The following SCARB2 variants were observed in gnomAD, a reference collection of about 807,000 sequenced individuals.
The protein encoded by SCARB2 is scavenger receptor class B member 2.
A neutral mutation model predicts 58.6 loss-of-function variants in SCARB2; 29 were observed. The ratio of observed to expected loss-of-function variants is 0.49; its 90% CI spans 0.37 to 0.67. SCARB2 has a LOEUF of 0.67. SCARB2 is among the 30% of genes least tolerant of loss of function. The pLI is 0.00. For missense variants in SCARB2, 488 were observed against 578.5 expected (o/e 0.84, Z 1.60); for synonymous variants, 195 against 210.1 (o/e 0.93, Z 0.62).
In SCARB2 at chr4:76,199,861, T is replaced by C. The variant is rs1378787155; in HGVS notation, c.118-3997A>G. On this transcript the variant is annotated intron_variant, in intron 1 of 11. Transcript: ENST00000264896. ...CAGCCGCGCAGCCCCAGTATGCTAATGGGTCCAAAGAAAGCACCTCAACCT... is the reference window on the plus strand; with the variant it reads ...CAGCCGCGCAGCCCCAGTATGCTAACGGGTCCAAAGAAAGCACCTCAACCT... 4.5e-4 allele frequency among the ~76,000 whole-genome samples: 69 copies of C among 152,204 alleles called. 1 individual carries two copies. Among genetic ancestry groups the C allele is most frequent in the African/African-American group, 2.4e-5 (1 of 41,462 alleles).
intron 1 of SCARB2, among the ~76,000 whole-genome samples, chr4:76,204,598 G>A (rs182057483): frequency 2.1e-3 from 317 of 152,240 alleles, no homozygotes; most frequent in African/African-American, 7.3e-3. Flanking sequence ...AGCAGCTACC[G>A]ATAGAAACTT....
intron 2 of SCARB2, among the ~76,000 whole-genome samples, chr4:76,190,958 A>G (rs1419938729): frequency 6.6e-6 from 1 of 152,240 alleles, no homozygotes; most frequent in Non-Finnish European, 1.5e-5. Flanking sequence ...CAAAGACAGT[A>G]TAAAAAAAGA....
chr4:76,211,909 A>G (rs1733055330), intron 1 of SCARB2, among the ~76,000 whole-genome samples: 1 of 152,202 alleles, frequency 6.6e-6, no homozygotes, highest in Admixed American at 6.5e-5. Context: ...AACAGAGTCC[A>G]TTCCTCATGG....
chr4:76,163,386 G>A lies in SCARB2; in HGVS notation c.1240-3C>T. On this transcript the variant is annotated splice_polypyrimidine_tract_variant and splice_region_variant and intron_variant, in intron 10 of 11. Transcript: ENST00000264896. ...GTCTCTTTATCAATGTGAACACTCTGGAGAGGCAAGAAAATAGTATTCTTG... is the reference window on the plus strand; with the variant it reads ...GTCTCTTTATCAATGTGAACACTCTAGAGAGGCAAGAAAATAGTATTCTTG... 6.2e-7 allele frequency: 1 copy of A among 1,614,150 alleles called. No homozygotes were observed. Among genetic ancestry groups the A allele is most frequent in the Non-Finnish European group, 8.5e-7 (1 of 1,180,012 alleles).
chr4:76,229,759 CTGTG>C (rs1158170177), intron 1 of SCARB2, among the ~76,000 whole-genome samples: 1 of 152,186 alleles, frequency 6.6e-6, no homozygotes, highest in Non-Finnish European at 1.5e-5. Flanking sequence ...GAAGTAGACT[CTGTG>C]AGAGTCCTTG....
intron 7 of SCARB2, among the ~76,000 whole-genome samples, chr4:76,172,257 T>TA (rs1358493644): frequency 1.3e-5 from 2 of 150,176 alleles, no homozygotes; most frequent in Non-Finnish European, 3.0e-5. Flanking sequence ...AAACAATTTT[T>TA]TATATATATA....
intron 1 of SCARB2, chr4:76,234,229 T>TC: frequency 6.6e-6 from 1 of 152,374 alleles, no homozygotes; most frequent in East Asian, 1.9e-4. Context: ...GGGCATGATT[T>TC]CCCCCACTCT....
At chr4:76,230,595 A>G (rs1733475518) in intron 1 of SCARB2, among the ~76,000 whole-genome samples, 1 of 152,130 alleles carries the variant, frequency 6.6e-6, no homozygotes, top group Admixed American at 6.5e-5. Context: ...ATTATTATAA[A>G]GTTCAGTTTG....
At chr4:76,231,060 A>G (rs1332773216) in intron 1 of SCARB2, among the ~76,000 whole-genome samples, 3 of 152,124 alleles carry the variant, frequency 2.0e-5, no homozygotes, top group Non-Finnish European at 4.4e-5. Flanking sequence ...GGGGAGTTGC[A>G]TGGACTCCCT....
intron 7 of SCARB2, among the ~76,000 whole-genome samples, chr4:76,171,194 T>C (rs1350016634): frequency 2.0e-5 from 3 of 152,140 alleles, no homozygotes; most frequent in African/African-American, 7.2e-5. Flanking sequence ...TGCTGAATAG[T>C]TCCACAAAGG....
At chr4:76,166,121 G>A in intron 10 of SCARB2, 129 bp downstream of exon 10, 5 of 905,916 alleles carry the variant, frequency 5.5e-6, no homozygotes, top group Non-Finnish European at 5.6e-6. Flanking sequence ...GAAATTTTCT[G>A]AGGAATAACA....
chr4:76,171,190 ATAGTTCCAC>A (rs1732122333), intron 7 of SCARB2, among the ~76,000 whole-genome samples: 1 of 152,112 alleles, frequency 6.6e-6, no homozygotes, highest in Admixed American at 6.6e-5. Flanking sequence ...TTACTGCTGA[ATAGTTCCAC>A]AAAGGCATGA....
At position 76,161,839 on chromosome 4, in the gene SCARB2, T is replaced by C. The variant is rs568622677; in HGVS notation, c.1399-88A>G. 212 of 1,270,224 alleles carry C rather than the reference T, an allele frequency of 1.7e-4. 1 individual carries two copies. Among genetic ancestry groups the C allele is most frequent in the Non-Finnish European group, 2.1e-4 (180 of 874,162 alleles). The allele number at this position is 1,270,224 out of a possible 1,614,324, so 78.7% of individuals were successfully genotyped here. ...AAAGTTTGGGTGGGGAGTGGGGGCA[T>C]GGAAGGAGGAGAGACCTATAGGAAG... On this transcript the variant is annotated intron_variant, in intron 11 of 11. Coordinates refer to ENST00000264896, the MANE Select transcript of SCARB2 (RefSeq NM_005506.4).
intron 1 of SCARB2, among the ~76,000 whole-genome samples, chr4:76,219,686 TG>T (rs1733274085): frequency 1.3e-5 from 2 of 149,654 alleles, no homozygotes; most frequent in Non-Finnish European, 3.0e-5. Flanking sequence ...CAGCCTGGAG[TG>T]GTGGGGAGAA....
chr4:76,183,459 G>A (rs1290666325), intron 2 of SCARB2, among the ~76,000 whole-genome samples: 1 of 152,144 alleles, frequency 6.6e-6, no homozygotes, highest in East Asian at 1.9e-4. Flanking sequence ...AGTACTCAGG[G>A]AAACACTTAC....
chr4:76,216,962 GCTGT>G (rs1733218858), upstream of SCARB2, among the ~76,000 whole-genome samples: 1 of 152,160 alleles, frequency 6.6e-6, no homozygotes, highest in African/African-American at 2.4e-5. Flanking sequence ...AGCTGGCCTG[GCTGT>G]CTTTCTGTTC....
In SCARB2 at chr4:76,166,242, G is replaced by C. The variant is rs369265725; in HGVS notation, c.1239+8C>G. On this transcript the variant is annotated splice_region_variant and intron_variant, in intron 10 of 11. Coordinates refer to ENST00000264896, the MANE Select transcript of SCARB2 (RefSeq NM_005506.4). ...AACACCCGTGGCTCCCTCCGTCTCA[G>C]GACTTACCTCATTGAGGTACATCAC... The C allele has an allele frequency of 3.7e-6, 6 of 1,613,834 alleles. No individual in the cohort carries two copies. The highest frequency in any genetic ancestry group is 5.1e-6 in the Non-Finnish European group (6 of 1,179,858).
At position 76,161,721 on chromosome 4, in the gene SCARB2, G is replaced by C. The variant is rs757142810; in HGVS notation, c.1429C>G (p.Arg477Gly). The C allele has an allele frequency of 6.2e-7, 1 of 1,614,014 alleles. No individual in the cohort carries two copies. Among genetic ancestry groups the C allele is most frequent in the African/African-American group, 1.3e-5 (1 of 74,922 alleles). The stretch of plus-strand genomic sequence containing the variant: ...CCAAGCAAAGGCAATGTTTAGGTTC[G>C]AATGAGGGGTGCTCTTTCATCCGCT... ...GTADERAPLI[R>G]T Residue 477 changes from arginine (R) to glycine (G), a missense_variant, in exon 12 of 12, where the codon CGA (arginine) becomes GGA (glycine). Arg to Gly is a moderately radical substitution (Grantham distance 125). Coordinates refer to ENST00000264896, the MANE Select transcript of SCARB2 (RefSeq NM_005506.4).
chr4:76,174,305 T>C lies in SCARB2; in HGVS notation c.833A>G (p.Tyr278Cys), dbSNP rs774730087. The change falls in exon 7 of 12, where the codon TAT becomes TGT. Residue 278 changes from tyrosine (Y) to cysteine (C), a missense_variant. Physicochemically the swap from Tyr to Cys is radical, Grantham distance 194. Coordinates refer to ENST00000264896, the MANE Select transcript of SCARB2 (RefSeq NM_005506.4). ...ACTCTCATAGTCACTGAAAGTAATA[T>C]ACACTGACCTGTTAGGATGTAAGAA... is the stretch of plus-strand genomic sequence containing the variant. The part of the protein sequence containing the change: ...VFPSDFCRSV[Y>C]ITFSDYESVQ... The C allele has an allele frequency of 6.2e-7, 1 of 1,614,052 alleles. No homozygotes were observed. The highest frequency in any genetic ancestry group is 1.7e-5 in the Admixed American group (1 of 60,024).
Sources: gnomAD v4.1 joint callset for allele counts (sites outside exome capture counted in the v4.1 genomes callset) on GRCh38, gnomAD v4.1.1 for gene constraint, MANE v1.5 for transcripts, NCBI Gene and HGNC (gene_info 2026-07-23, HGNC 2026-07-21) for gene names.